PTPN11: variants seen among roughly 807,000 people sequenced by gnomAD.
PTPN11 encodes the protein tyrosine-protein phosphatase non-receptor type 11.
In PTPN11, 6 loss-of-function variants were observed where a neutral mutation model predicts 78.8. The observed-to-expected ratio is 0.08, with a 90% CI of 0.04 to 0.15. The LOEUF is 0.15. Among genes scored for constraint, PTPN11 ranks in the 10% least tolerant of loss-of-function variants. The pLI is 1.00. For missense variants in PTPN11, 386 were observed against 744.8 expected (o/e 0.52, Z 5.61); for synonymous variants, 221 against 263.5 (o/e 0.84, Z 1.56).
intron 13 of PTPN11, among the ~76,000 whole-genome samples, chr12:112,499,600 A>G (rs1264279582): frequency 6.6e-6 from 1 of 151,998 alleles, no homozygotes; most frequent in Admixed American, 6.6e-5. Flanking sequence ...TGGCCTCTCA[A>G]AGTGCTGGGA....
Position 112,504,623 on chromosome 12 carries a change from A to G in PTPN11, c.1713-72A>G. 8.8e-7 allele frequency: 1 copy of G among 1,130,132 alleles called. No homozygotes were observed. Among genetic ancestry groups the G allele is most frequent in the East Asian group, 2.5e-5 (1 of 39,536 alleles). 70.0% of individuals were successfully genotyped at this position (1,130,132 alleles called of 1,614,324 possible). On this transcript the variant is annotated intron_variant, in intron 14 of 15. Transcript: ENST00000351677. The surrounding 1 kb of genome is among the most constrained non-coding windows in gnomAD (Gnocchi z 4.7). ...GCCCAAAGAATGTAGTATGTGTTTT[A>G]TAGATATCATGTAAGCTTAAACAGC...
rs548553622 is a variant in PTPN11 at position 112,508,985 on chromosome 12, G to A, written c.*3193G>A. ...ATCTTGAGTTATTTTTAATTCAGGGGGATGTGGAAAGGTTTGCAATTGTCA... is the reference window on the plus strand; with the variant it reads ...ATCTTGAGTTATTTTTAATTCAGGGAGATGTGGAAAGGTTTGCAATTGTCA... On this transcript the variant is annotated 3_prime_UTR_variant, in exon 16 of 16. Coordinates refer to ENST00000351677, the MANE Select transcript of PTPN11 (RefSeq NM_002834.5). 4 of 152,304 alleles carry A rather than the reference G, an allele frequency of 2.6e-5. No homozygotes were observed. The East Asian group carries it at 7.7e-4, about 29-fold the overall frequency. The allele number at this position is 152,304 out of a possible 1,614,324, so 9.4% of individuals were successfully genotyped here.
At chr12:112,495,270 C>G (rs773091486) in intron 13 of PTPN11, among the ~76,000 whole-genome samples, 21 of 152,180 alleles carry the variant, frequency 1.4e-4, no homozygotes, top group Non-Finnish European at 2.6e-4. Context: ...GTTCCTTGAT[C>G]CAATTCATGG....
intron 10 of PTPN11, among the ~76,000 whole-genome samples, chr12:112,485,780 C>T (rs1292039505): frequency 6.6e-6 from 1 of 152,040 alleles, no homozygotes; most frequent in Non-Finnish European, 1.5e-5. Flanking sequence ...AGTTTGCAAC[C>T]AGCCTGGCCA....
chr12:112,455,214 A>G (rs1038675157), intron 5 of PTPN11, among the ~76,000 whole-genome samples: 1 of 151,638 alleles, frequency 6.6e-6, no homozygotes, highest in African/African-American at 2.4e-5. Flanking sequence ...TTTATCTGTA[A>G]AAGGCATTAC....
In PTPN11 at chr12:112,492,457, C is replaced by T. The variant is rs139978517; in HGVS notation, c.1599+3282C>T. On this transcript the variant is annotated intron_variant, in intron 13 of 15. Transcript: ENST00000351677. ...CTTGTCCATAAAGTTATTATTTTTCCCTTTTAAGTTAATATCTTGTGGGTA... is the reference window on the plus strand; with the variant it reads ...CTTGTCCATAAAGTTATTATTTTTCTCTTTTAAGTTAATATCTTGTGGGTA... Among the ~76,000 whole-genome samples, 118 of 151,732 alleles carry T rather than the reference C, an allele frequency of 7.8e-4. 1 individual carries two copies. Among genetic ancestry groups the T allele is most frequent in the South Asian group, 1.9e-3 (9 of 4,788 alleles).
intron 1 of PTPN11, among the ~76,000 whole-genome samples, chr12:112,423,848 G>T (rs1010196461): frequency 1.3e-5 from 2 of 149,112 alleles, no homozygotes; most frequent in East Asian, 2.0e-4. Flanking sequence ...CTGGGCTCAA[G>T]TGATCCTCCC....
chr12:112,453,117 T>A, intron 3 of PTPN11, 78 bp from the exon 4 acceptor site: 1 of 1,217,728 alleles, frequency 8.2e-7, no homozygotes, highest in Non-Finnish European at 1.2e-6. Context: ...GAGAGCTGAC[T>A]GTATACAGTA....
chr12:112,450,404 C>G lies in PTPN11; in HGVS notation c.224C>G (p.Ala75Gly), dbSNP rs1456360392. The change falls in exon 3 of 16, where the codon GCT (alanine) becomes GGT (glycine). Residue 75 changes from alanine to glycine, a missense_variant. This residue lies in a region of PTPN11 where 279 missense variants were observed against 503.3 expected (regional missense o/e 0.55). Transcript: ENST00000351677. Reference protein sequence around the residue: ...LYGGEKFATLAELVQYYMEHH... With the variant: ...LYGGEKFATLGELVQYYMEHH... ...GGAGGGGAGAAATTTGCCACTTTGG[C>G]TGAGTTGGTCCAGTATTACATGGAA... The G allele has an allele frequency of 2.5e-6, 4 of 1,613,728 alleles. No individual in the cohort carries two copies. Among genetic ancestry groups the G allele is most frequent in the Non-Finnish European group, 2.5e-6 (3 of 1,179,682 alleles).
chr12:112,426,236 CAGAT>C (rs1260907303), intron 1 of PTPN11, among the ~76,000 whole-genome samples: 1 of 152,132 alleles, frequency 6.6e-6, no homozygotes, highest in East Asian at 1.9e-4. Context: ...GATTTCCTGA[CAGAT>C]AGTTCAGGTT....
rs2038909563 is a variant in PTPN11 at position 112,504,300 on chromosome 12, A to G, written c.1713-395A>G. Reference sequence around the variant, plus strand: ...AACCTCCATCTCCCGAGTTCAAGAGATTCTTCTGCCTCAGCCTCTCAAGCA... The same window carrying G: ...AACCTCCATCTCCCGAGTTCAAGAGGTTCTTCTGCCTCAGCCTCTCAAGCA... On this transcript the variant is annotated intron_variant, in intron 14 of 15. Coordinates refer to ENST00000351677, the MANE Select transcript of PTPN11 (RefSeq NM_002834.5). The surrounding 1 kb of genome is among the most constrained non-coding windows in gnomAD (Gnocchi z 4.7). Among the ~76,000 whole-genome samples the G allele has an allele frequency of 6.6e-6, 1 of 152,056 alleles. No individual in the cohort carries two copies. Among genetic ancestry groups the G allele is most frequent in the Admixed American group, 6.6e-5 (1 of 15,266 alleles).
At chr12:112,486,986 A>G (rs2038687728) in intron 11 of PTPN11, 1 of 1,130,066 alleles carries the variant, frequency 8.8e-7, no homozygotes, top group Non-Finnish European at 1.1e-6. Flanking sequence ...CTTTGTAGGT[A>G]TTGAGGTGGT....
chr12:112,481,169 T>G (rs2038589974), intron 9 of PTPN11, among the ~76,000 whole-genome samples: 1 of 152,136 alleles, frequency 6.6e-6, no homozygotes, highest in East Asian at 1.9e-4. Context: ...TTATTCACAC[T>G]TGGGTTAGAT....
intron 1 of PTPN11, among the ~76,000 whole-genome samples, chr12:112,436,041 AAAAG>A (rs1416398053): frequency 6.6e-6 from 1 of 152,096 alleles, no homozygotes; most frequent in Admixed American, 6.6e-5. Flanking sequence ...ATATTTTGAA[AAAAG>A]AAAAAAAAAT....
At chr12:112,502,484 G>A (rs1038467208) in intron 14 of PTPN11, among the ~76,000 whole-genome samples, 2 of 152,122 alleles carry the variant, frequency 1.3e-5, no homozygotes, top group African/African-American at 2.4e-5. Flanking sequence ...GGTGGCTAAC[G>A]CCTGTAATCC....
At chr12:112,450,609 G>C (rs1401321474) in intron 3 of PTPN11, 97 bp downstream of exon 3, 11 of 1,180,792 alleles carry the variant, frequency 9.3e-6, no homozygotes, top group Non-Finnish European at 3.8e-6. Context: ...TGACTCCAAA[G>C]GCTTGTGACT....
chr12:112,456,089 C>T (rs367551931), intron 6 of PTPN11, 26 bp downstream of exon 6: 42 of 1,445,034 alleles, frequency 2.9e-5, no homozygotes, highest in African/African-American at 2.8e-4. Flanking sequence ...ACTGTTTTTA[C>T]GTGAGTTGTT....
intron 1 of PTPN11, among the ~76,000 whole-genome samples, chr12:112,441,818 G>A (rs2037894636): frequency 6.7e-6 from 1 of 149,936 alleles, no homozygotes; most frequent in African/African-American, 2.5e-5. Flanking sequence ...TCACTCTGTC[G>A]CCCAGGCTGG....
intron 14 of PTPN11, among the ~76,000 whole-genome samples, chr12:112,503,548 TTCTA>T (rs1323909163): frequency 6.6e-6 from 1 of 152,226 alleles, no homozygotes; most frequent in Non-Finnish European, 1.5e-5. Context: ...TGCCACTTCT[TTCTA>T]TCTTTTTTCT....
Sources: gnomAD v4.1 joint callset for allele counts (sites outside exome capture counted in the v4.1 genomes callset) on GRCh38, gnomAD v4.1.1 for gene constraint, gnomAD v4.1.1 regional missense constraint, Gnocchi (gnomAD v3.1) non-coding constraint, MANE v1.5 for transcripts, NCBI Gene and HGNC (gene_info 2026-07-23, HGNC 2026-07-21) for gene names.